Variants in KIAA1217 observed in about 807,000 individuals in gnomAD.
KIAA1217 encodes KIAA1217, also known as sickle tail protein homolog.
A neutral mutation model predicts 163.9 loss-of-function variants in KIAA1217; 88 were observed. The ratio of observed to expected loss-of-function variants is 0.54; its 90% CI spans 0.45 to 0.64. The LOEUF (loss-of-function observed/expected upper bound fraction) is 0.64. Ranked by LOEUF, KIAA1217 falls within the 30% of genes least tolerant of loss-of-function variation. KIAA1217 has a pLI of 0.00. For missense variants in KIAA1217, 2,372 were observed against 2,475.0 expected, an observed-to-expected ratio of 0.96 and a Z score of 0.88; for synonymous variants, 903 against 923.1, an observed-to-expected ratio of 0.98 and a Z score of 0.39.
intron 2 of KIAA1217, among the ~76,000 whole-genome samples, chr10:24,096,576 GC>G (rs1355745147): frequency 6.6e-6 from 1 of 152,088 alleles, no homozygotes; most frequent in African/African-American, 2.4e-5. Flanking sequence ...GCAGGGTCTG[GC>G]CCCTGGTGAC....
intron 1 of KIAA1217, among the ~76,000 whole-genome samples, chr10:23,951,238 A>G (rs987973734): frequency 6.6e-6 from 1 of 152,098 alleles, no homozygotes; most frequent in African/African-American, 2.4e-5. Flanking sequence ...AAGTAGGCAA[A>G]AGGAAATAAG....
chr10:24,348,852 A>G (rs933202753), intron 2 of KIAA1217, among the ~76,000 whole-genome samples: 4 of 152,200 alleles, frequency 2.6e-5, no homozygotes, highest in Non-Finnish European at 5.9e-5. Context: ...CCAAGCATTC[A>G]AAAACAGCTG....
intron 1 of KIAA1217, among the ~76,000 whole-genome samples, chr10:23,939,245 C>T (rs1843656987): frequency 6.6e-6 from 1 of 152,104 alleles, no homozygotes; most frequent in South Asian, 2.1e-4. Flanking sequence ...TTAAACCCAA[C>T]AATATATTTT....
chr10:23,971,671 T>A (rs1819604), intron 1 of KIAA1217, among the ~76,000 whole-genome samples: 95,747 of 152,062 alleles, frequency 0.63, 32,069 homozygotes, highest in African/African-American at 0.87. Flanking sequence ...ACCCTAAAAT[T>A]TATTTTTTGA....
At position 24,412,842 on chromosome 10, in the gene KIAA1217, G is replaced by C. The variant is rs149583663; in HGVS notation, c.554-20153G>C. On this transcript the variant is annotated intron_variant, in intron 3 of 20. Transcript: ENST00000376454. ...CTCTGAAATACAGATTAATAGTTCA[G>C]ATCATCTACTTGACATCTCAACCTC... Among the ~76,000 whole-genome samples, 962 of 152,300 alleles carry C rather than the reference G, an allele frequency of 6.3e-3. 10 individuals carry two copies. The highest frequency in any genetic ancestry group is 0.022 in the African/African-American group (911 of 41,568).
intron 1 of KIAA1217, among the ~76,000 whole-genome samples, chr10:23,870,407 CT>C (rs1840402799): frequency 6.6e-6 from 1 of 152,038 alleles, no homozygotes; most frequent in Non-Finnish European, 1.5e-5. Flanking sequence ...CTCTAGGCAT[CT>C]TAACAAAGGC....
chr10:24,095,487 C>G (rs1268528344), intron 2 of KIAA1217, among the ~76,000 whole-genome samples: 1 of 152,176 alleles, frequency 6.6e-6, no homozygotes, highest in Admixed American at 6.5e-5. Context: ...AACACACCTT[C>G]TTCTCTTAAT....
intron 1 of KIAA1217, among the ~76,000 whole-genome samples, chr10:23,739,677 TTTG>T (rs1033315305): frequency 9.2e-4 from 140 of 152,278 alleles, no homozygotes; most frequent in African/African-American, 3.2e-3. Context: ...TAATCTTACA[TTTG>T]TTGTTACAAG....
At chr10:23,757,827 T>C (rs1405339801) in intron 1 of KIAA1217, among the ~76,000 whole-genome samples, 1 of 152,202 alleles carries the variant, frequency 6.6e-6, no homozygotes, top group East Asian at 1.9e-4. Flanking sequence ...CTAAGCATCT[T>C]TTCATATACT....
rs869211148 is a variant in KIAA1217, at chr10:24,355,728, C to CTTTTTTTTTTTTTTTTTTTTT, written c.355-25123_355-25103dup. Among the ~76,000 whole-genome samples the CTTTTTTTTTTTTTTTTTTTTT allele has an allele frequency of 2.5e-4, 8 of 32,218 alleles. 2 individuals carry two copies. Among genetic ancestry groups the CTTTTTTTTTTTTTTTTTTTTT allele is most frequent in the Non-Finnish European group, 5.0e-4 (7 of 14,002 alleles). The allele number at this position is 32,218 out of a possible 152,430, so 21.1% of individuals were successfully genotyped here. A position where few individuals can be genotyped will look rare whatever the true frequency, so the allele number is the denominator to read the frequency against. On this transcript the variant is annotated intron_variant, in intron 2 of 20. Coordinates refer to ENST00000376454, the MANE Select transcript of KIAA1217 (RefSeq NM_019590.5). Reference sequence around the variant, plus strand: ...GAGATGAGCATAGCAAGTCCTCACTCTTTTTTTTTTTTTTTTTTTTTTTTT... The same window carrying CTTTTTTTTTTTTTTTTTTTTT: ...GAGATGAGCATAGCAAGTCCTCACTCTTTTTTTTTTTTTTTTTTTTTTTTTTTTTTTTTTTTTTTTTTTTTT...
intron 5 of KIAA1217, among the ~76,000 whole-genome samples, chr10:24,465,187 T>G (rs1365309990): frequency 1.3e-5 from 2 of 152,150 alleles, no homozygotes; most frequent in Non-Finnish European, 2.9e-5. Flanking sequence ...TAACAAACCC[T>G]TGCTGATTAG....
At chr10:24,468,237 G>C (rs2063152948) in intron 5 of KIAA1217, among the ~76,000 whole-genome samples, 1 of 152,086 alleles carries the variant, frequency 6.6e-6, no homozygotes, top group East Asian at 1.9e-4. Context: ...GTTGCCTTAG[G>C]TTGGTCCCTG....
chr10:24,198,210 G>C (rs2130506964), intron 2 of KIAA1217, among the ~76,000 whole-genome samples: 1 of 152,324 alleles, frequency 6.6e-6, no homozygotes. Context: ...GAAGCTTACT[G>C]CCCTTCTCTT....
chr10:24,088,753 A>AT, intron 2 of KIAA1217, among the ~76,000 whole-genome samples: 1 of 124,284 alleles, frequency 8.0e-6, no homozygotes, highest in African/African-American at 2.5e-5. Context: ...CGCATTAAAC[A>AT]TACGTATGCA....
chr10:24,517,073 C>T (rs1375027578), intron 10 of KIAA1217, among the ~76,000 whole-genome samples: 1 of 151,852 alleles, frequency 6.6e-6, no homozygotes, highest in Admixed American at 6.6e-5. Context: ...GTCCCAGCTA[C>T]TCAGGAAGCT....
chr10:24,433,080 C>T lies in KIAA1217; in HGVS notation c.639C>T (p.Leu213=). ...CAAGTGCAGACACAATCCGTGCTCT[C>T]TTCGTAAGTGCCTTTCCACAGCAGC... ...EITSADTIRA[L]FVSAFPQQLT... is the part of the protein sequence containing the mutation. The change falls in exon 4 of 21, where the codon CTC becomes CTT. Residue 213 remains leucine, a synonymous_variant. Transcript: ENST00000376454. The T allele has an allele frequency of 1.2e-6, 2 of 1,614,134 alleles. No homozygotes were observed. The highest frequency in any genetic ancestry group is 1.7e-6 in the Non-Finnish European group (2 of 1,180,030).
rs532657625 is a variant in KIAA1217, at chr10:24,067,036, C to G, written c.-171+59662C>G. Among the ~76,000 whole-genome samples, 16 of 152,258 alleles carry G rather than the reference C, an allele frequency of 1.1e-4. No individual in the cohort carries two copies. The South Asian group carries it at 1.7e-3, about 16-fold the overall frequency. ...TCTCTGCATTGACTATTCTAGTTAT[C>G]CATTGATCTAATTTTTTTTCAAAGT... is the stretch of plus-strand genomic sequence containing the variant. On this transcript the variant is annotated intron_variant, in intron 2 of 18. Transcript: ENST00000376462.
At chr10:24,383,035 T>TG (rs1454051313) in intron 3 of KIAA1217, among the ~76,000 whole-genome samples, 1 of 151,804 alleles carries the variant, frequency 6.6e-6, no homozygotes, top group Non-Finnish European at 1.5e-5. Flanking sequence ...TTTGTAGAGA[T>TG]GGGGTCTCAC....
At chr10:24,290,278 T>A (rs2078964016) in intron 2 of KIAA1217, among the ~76,000 whole-genome samples, 1 of 152,134 alleles carries the variant, frequency 6.6e-6, no homozygotes. Flanking sequence ...GAGTGAGGAT[T>A]CATGGGAAAT....
Sources: allele counts gnomAD v4.1 joint callset (sites outside exome capture counted in the v4.1 genomes callset), GRCh38; gene constraint gnomAD v4.1.1; transcripts MANE v1.5; gene names NCBI Gene and HGNC (gene_info 2026-07-23, HGNC 2026-07-21).